SEMA3E: variants seen among roughly 807,000 people sequenced by gnomAD.
The protein encoded by SEMA3E is semaphorin 3E.
SEMA3E carries 49 observed loss-of-function variants against 93.6 expected under a neutral mutation model. That is an observed-to-expected ratio of 0.52 (90% CI 0.42 to 0.66). The LOEUF is 0.66. Ranked by LOEUF, SEMA3E falls within the 30% of genes least tolerant of loss-of-function variation. The pLI, the probability that SEMA3E is intolerant of heterozygous loss-of-function variation, is 0.00. For synonymous variants in SEMA3E, 363 were observed against 330.7 expected, an observed-to-expected ratio of 1.10 and a Z score of -1.06; for missense variants, 906 against 964.8, an observed-to-expected ratio of 0.94 and a Z score of 0.81.
intron 1 of SEMA3E, among the ~76,000 whole-genome samples, chr7:83,563,910 A>G (rs928547216): frequency 1.3e-5 from 2 of 152,168 alleles, no homozygotes. Flanking sequence ...TCACCAAAAA[A>G]TAAATATAAT....
At chr7:83,630,299 A>G (rs565378275) in intron 1 of SEMA3E, among the ~76,000 whole-genome samples, 1 of 152,306 alleles carries the variant, frequency 6.6e-6, no homozygotes, top group South Asian at 2.1e-4. Context: ...AATCTCTATA[A>G]TAATGTAAAG....
At chr7:83,406,340 A>C (rs1788330165) in intron 7 of SEMA3E, among the ~76,000 whole-genome samples, 1 of 152,002 alleles carries the variant, frequency 6.6e-6, no homozygotes, top group Non-Finnish European at 1.5e-5. Flanking sequence ...ACTCTCCTAA[A>C]TAGAATAGTG....
intron 1 of SEMA3E, among the ~76,000 whole-genome samples, chr7:83,559,054 T>C (rs1584330525): frequency 1.3e-5 from 2 of 152,108 alleles, no homozygotes; most frequent in African/African-American, 4.8e-5. Context: ...GTGTTAATTA[T>C]AAATAAAGCA....
intron 4 of SEMA3E, among the ~76,000 whole-genome samples, chr7:83,450,612 G>C (rs140826150): frequency 6.6e-6 from 1 of 151,564 alleles, no homozygotes; most frequent in Non-Finnish European, 1.5e-5. Context: ...TTATTGAAGG[G>C]GGACAACAGA....
chr7:83,462,212 A>G (rs2115862499), intron 4 of SEMA3E: 1 of 152,298 alleles, frequency 6.6e-6, no homozygotes, highest in Admixed American at 6.5e-5. Flanking sequence ...AGTGGAAGGT[A>G]GGCCCGTCCC....
intron 1 of SEMA3E, among the ~76,000 whole-genome samples, chr7:83,616,438 G>A (rs553884149): frequency 5.4e-4 from 82 of 152,004 alleles, no homozygotes; most frequent in African/African-American, 1.9e-3. Context: ...AATAGGAAGG[G>A]GAACTATATT....
intron 14 of SEMA3E, among the ~76,000 whole-genome samples, chr7:83,389,337 A>G (rs1310441230): frequency 8.0e-6 from 1 of 124,928 alleles, no homozygotes; most frequent in Admixed American, 8.3e-5. Flanking sequence ...AATAAAATCA[A>G]CAAAATGAGA....
chr7:83,462,461 A>G (rs1373607975), intron 4 of SEMA3E, among the ~76,000 whole-genome samples: 1 of 151,978 alleles, frequency 6.6e-6, no homozygotes, highest in African/African-American at 2.4e-5. Context: ...TTCCCTGACT[A>G]TTCCTGGGCT....
At chr7:83,574,547 A>G (rs201821383) in intron 1 of SEMA3E, among the ~76,000 whole-genome samples, 1 of 123,370 alleles carries the variant, frequency 8.1e-6, no homozygotes. Context: ...ACTTTTGGGT[A>G]CTCTTTACCC....
At chr7:83,388,169 C>T (rs1053677794) in intron 14 of SEMA3E, among the ~76,000 whole-genome samples, 13 of 147,982 alleles carry the variant, frequency 8.8e-5, no homozygotes, top group South Asian at 2.1e-4. Flanking sequence ...ATTAGTCGGG[C>T]GTGGTGGTGT....
At chr7:83,406,211 A>G (rs1484975999) in intron 7 of SEMA3E, 152 bp from the exon 8 acceptor site, 4 of 661,290 alleles carry the variant, frequency 6.0e-6, no homozygotes, top group African/African-American at 5.5e-5. Flanking sequence ...CATAGGTGCA[A>G]CTCCCCATAA....
intron 1 of SEMA3E, among the ~76,000 whole-genome samples, chr7:83,504,098 C>G (rs753970458): frequency 9.2e-5 from 14 of 152,174 alleles, no homozygotes; most frequent in Non-Finnish European, 2.1e-4. Context: ...AATCTGACAT[C>G]TGAAATGGTT....
At chr7:83,614,927 T>C (rs79846974) in intron 1 of SEMA3E, among the ~76,000 whole-genome samples, 1,564 of 152,198 alleles carry the variant, frequency 0.01, 29 homozygotes, top group African/African-American at 0.036. Context: ...GAATGACTAG[T>C]TCACCAACAA....
At chr7:83,539,513 C>T (rs1490914933) in intron 1 of SEMA3E, among the ~76,000 whole-genome samples, 1 of 152,100 alleles carries the variant, frequency 6.6e-6, no homozygotes, top group Non-Finnish European at 1.5e-5. Context: ...TTGTGGTGTT[C>T]CCTGGTAGAC....
intron 1 of SEMA3E, among the ~76,000 whole-genome samples, chr7:83,541,259 G>C (rs1184645107): frequency 1.3e-5 from 2 of 152,182 alleles, no homozygotes; most frequent in Non-Finnish European, 2.9e-5. Context: ...TCTTTGAAGT[G>C]ATGTGAAGTT....
chr7:83,475,455 G>T lies in SEMA3E; in HGVS notation c.277-6153C>A, dbSNP rs143943482. On this transcript the variant is annotated intron_variant, in intron 2 of 16. Coordinates refer to ENST00000643230, the MANE Select transcript of SEMA3E (RefSeq NM_012431.3). ...TTCCTGACCAGGATAGTAAAGATTCGATCTCCCCCTAGACAAAGTTTAGAC... is the reference window on the plus strand; with the variant it reads ...TTCCTGACCAGGATAGTAAAGATTCTATCTCCCCCTAGACAAAGTTTAGAC... 2.7e-3 allele frequency among the ~76,000 whole-genome samples: 418 copies of T among 152,150 alleles called. 3 individuals are homozygous for T. The highest frequency in any genetic ancestry group is 9.3e-3 in the African/African-American group (388 of 41,506).
intron 1 of SEMA3E, among the ~76,000 whole-genome samples, chr7:83,526,907 C>T (rs2115708904): frequency 6.6e-6 from 1 of 152,144 alleles, no homozygotes; most frequent in Non-Finnish European, 1.5e-5. Flanking sequence ...CCTCCATGTC[C>T]CTGTTGGAGG....
At chr7:83,491,816 GA>G (rs1224114882) in intron 1 of SEMA3E, among the ~76,000 whole-genome samples, 3 of 151,862 alleles carry the variant, frequency 2.0e-5, no homozygotes, top group Non-Finnish European at 4.4e-5. Context: ...GGAAGGAAAA[GA>G]AAATAGTATG....
At chr7:83,449,017 A>T (rs529083086) in intron 4 of SEMA3E, among the ~76,000 whole-genome samples, 1 of 152,258 alleles carries the variant, frequency 6.6e-6, no homozygotes, top group East Asian at 1.9e-4. Flanking sequence ...CTACTGGCCA[A>T]ATACAAACAT....
Sources: gnomAD v4.1 joint callset for allele counts (sites outside exome capture counted in the v4.1 genomes callset) on GRCh38, gnomAD v4.1.1 for gene constraint, MANE v1.5 for transcripts, NCBI Gene and HGNC (gene_info 2026-07-23, HGNC 2026-07-21) for gene names.